Variants in CPNE4 observed in about 807,000 individuals in gnomAD.
CPNE4 encodes copine 4.
Under a neutral mutation model 67.9 loss-of-function variants are expected in CPNE4, and 25 were observed. That is an observed-to-expected ratio of 0.37 (90% CI 0.27 to 0.51). The LOEUF is 0.51. Among genes scored for constraint, CPNE4 ranks in the 20% least tolerant of loss-of-function variants. The pLI, the probability that CPNE4 is intolerant of heterozygous loss-of-function variation, is 0.93. For missense variants in CPNE4, 464 were observed against 690.8 expected (o/e 0.67, Z 3.68); for synonymous variants, 242 against 244.9 (o/e 0.99, Z 0.11).
chr3:131,898,979 T>A (rs981890970), intron 2 of CPNE4, among the ~76,000 whole-genome samples: 2 of 152,278 alleles, frequency 1.3e-5, no homozygotes, highest in East Asian at 1.9e-4. Flanking sequence ...GTCGTTTTTT[T>A]ATCATCTGTC....
chr3:131,767,260 C>T (rs1359037079), intron 2 of CPNE4, among the ~76,000 whole-genome samples: 5 of 150,242 alleles, frequency 3.3e-5, no homozygotes, highest in East Asian at 2.0e-4. Flanking sequence ...TAAGTGTGAG[C>T]GTGTGTGTGT....
chr3:131,545,709 T>C (rs1008284000), intron 14 of CPNE4, among the ~76,000 whole-genome samples: 2 of 152,242 alleles, frequency 1.3e-5, no homozygotes, highest in African/African-American at 2.4e-5. Flanking sequence ...AAAAATATTT[T>C]GCTAACTGCA....
intron 2 of CPNE4, among the ~76,000 whole-genome samples, chr3:131,753,069 G>A (rs562873052): frequency 5.4e-4 from 82 of 151,604 alleles, no homozygotes; most frequent in African/African-American, 1.8e-3. Flanking sequence ...ATATAGGCTT[G>A]GTATAGGAAT....
chr3:131,800,948 A>G (rs1198260715), intron 2 of CPNE4, among the ~76,000 whole-genome samples: 1 of 152,202 alleles, frequency 6.6e-6, no homozygotes, highest in African/African-American at 2.4e-5. Flanking sequence ...AGATCATCAT[A>G]GCAAAAATTC....
chr3:132,005,948 A>G (rs747781229), intron 1 of CPNE4, among the ~76,000 whole-genome samples: 17 of 152,102 alleles, frequency 1.1e-4, no homozygotes, highest in Non-Finnish European at 1.6e-4. Context: ...CAGCCGTATG[A>G]CCCTGGGGAG....
intron 1 of CPNE4, among the ~76,000 whole-genome samples, chr3:131,935,178 T>G (rs1240130757): frequency 6.6e-6 from 1 of 152,180 alleles, no homozygotes; most frequent in African/African-American, 2.4e-5. Context: ...TTGAGCTAGC[T>G]CTTTGAATGT....
chr3:131,783,228 C>A (rs1159562629), intron 2 of CPNE4, among the ~76,000 whole-genome samples: 1 of 152,108 alleles, frequency 6.6e-6, no homozygotes, highest in East Asian at 1.9e-4. Flanking sequence ...CTATAATAAG[C>A]AAGTACTAAT....
intron 2 of CPNE4, among the ~76,000 whole-genome samples, chr3:131,878,366 A>C (rs1031169660): frequency 6.6e-6 from 1 of 152,218 alleles, no homozygotes; most frequent in African/African-American, 2.4e-5. Context: ...CCAGACACTA[A>C]AGAGCACATG....
intron 1 of CPNE4, among the ~76,000 whole-genome samples, chr3:131,999,937 G>A (rs367774575): frequency 6.6e-6 from 1 of 151,642 alleles, no homozygotes; most frequent in Non-Finnish European, 1.5e-5. Context: ...TGTTTATATG[G>A]TTTCTAGTTA....
At chr3:131,835,316 G>A (rs975426091) in intron 2 of CPNE4, among the ~76,000 whole-genome samples, 1 of 152,180 alleles carries the variant, frequency 6.6e-6, no homozygotes, top group Non-Finnish European at 1.5e-5. Context: ...ATCAGCTGAG[G>A]TCAGGAGTTT....
chr3:131,955,461 C>T (rs1008363450), intron 1 of CPNE4, among the ~76,000 whole-genome samples: 2 of 99,532 alleles, frequency 2.0e-5, no homozygotes, highest in South Asian at 6.5e-4. Flanking sequence ...CCCTCAGCTG[C>T]CTCCTTCTCT....
intron 1 of CPNE4, among the ~76,000 whole-genome samples, chr3:131,971,800 C>T (rs2107949649): frequency 1.3e-5 from 2 of 152,308 alleles, no homozygotes; most frequent in East Asian, 3.9e-4. Flanking sequence ...TAGTTGATCC[C>T]ATTCCTGTAG....
chr3:131,985,643 G>C (rs2073023908), intron 1 of CPNE4, among the ~76,000 whole-genome samples: 1 of 152,052 alleles, frequency 6.6e-6, no homozygotes, highest in Non-Finnish European at 1.5e-5. Flanking sequence ...TGCCCCACAG[G>C]TTTATATACA....
chr3:131,872,658 C>T (rs1400597507), intron 2 of CPNE4, among the ~76,000 whole-genome samples: 1 of 152,182 alleles, frequency 6.6e-6, no homozygotes, highest in Non-Finnish European at 1.5e-5. Context: ...TTGAACATCA[C>T]GTAAGACTAA....
At chr3:131,841,197 TA>T (rs2108018551) in intron 2 of CPNE4, among the ~76,000 whole-genome samples, 1 of 152,324 alleles carries the variant, frequency 6.6e-6, no homozygotes, top group Admixed American at 6.5e-5. Context: ...TAAAGTCCCA[TA>T]AGGAAGTGGT....
chr3:131,907,089 A>G, intron 1 of CPNE4, among the ~76,000 whole-genome samples: 1 of 152,116 alleles, frequency 6.6e-6, no homozygotes, highest in Non-Finnish European at 1.5e-5. Context: ...TTATGCAGCC[A>G]AAAAACACAT....
At chr3:131,840,999 A>G (rs184430758) in intron 2 of CPNE4, among the ~76,000 whole-genome samples, 1 of 152,044 alleles carries the variant, frequency 6.6e-6, no homozygotes, top group Admixed American at 6.5e-5. Flanking sequence ...ATTCATCACC[A>G]CTTCTTAAGG....
upstream of CPNE4, chr3:132,037,554 C>A: frequency 1.3e-6 from 2 of 1,535,492 alleles, no homozygotes; most frequent in Non-Finnish European, 1.7e-6. Context: ...CTCTATCACT[C>A]ACCTCCTCCC....
At chr3:131,653,569 T>C (rs1337628528) in intron 7 of CPNE4, among the ~76,000 whole-genome samples, 2 of 152,204 alleles carry the variant, frequency 1.3e-5, no homozygotes, top group South Asian at 2.1e-4. Flanking sequence ...CTCCTCTGCA[T>C]AGAGGCCCTC....
Sources: gnomAD v4.1 joint callset for allele counts (sites outside exome capture counted in the v4.1 genomes callset) on GRCh38, gnomAD v4.1.1 for gene constraint, MANE v1.5 for transcripts, NCBI Gene and HGNC (gene_info 2026-07-23, HGNC 2026-07-21) for gene names.